ASPH: variants seen among roughly 807,000 people sequenced by gnomAD.
ASPH encodes aspartate beta-hydroxylase.
ASPH carries 100 observed loss-of-function variants against 118.4 expected under a neutral mutation model. The observed-to-expected ratio is 0.84, with a 90% CI of 0.72 to 1.00. ASPH has a LOEUF of 1.00. ASPH is among the 50% of genes least tolerant of loss of function. ASPH has a pLI of 0.00. For synonymous variants in ASPH, 315 were observed against 325.6 expected, an observed-to-expected ratio of 0.97 and a Z score of 0.35; for missense variants, 920 against 919.5, an observed-to-expected ratio of 1.00 and a Z score of -0.01.
intron 3 of ASPH, among the ~76,000 whole-genome samples, chr8:61,662,517 G>A (rs1382932628): frequency 6.6e-6 from 1 of 152,140 alleles, no homozygotes; most frequent in East Asian, 1.9e-4. Context: ...ACAACCTACT[G>A]AATAAAAAGT....
chr8:61,534,981 T>C (rs571881769), intron 21 of ASPH, among the ~76,000 whole-genome samples: 1 of 152,246 alleles, frequency 6.6e-6, no homozygotes, highest in African/African-American at 2.4e-5. Context: ...AACTTCTCAC[T>C]GTCTGCATGT....
intron 15 of ASPH, among the ~76,000 whole-genome samples, chr8:61,581,447 G>T (rs1837487592): frequency 6.6e-6 from 1 of 152,202 alleles, no homozygotes; most frequent in Non-Finnish European, 1.5e-5. Context: ...GAGGCCAATG[G>T]GCTGTGCGGA....
chr8:61,618,322 GATCAT>G (rs1295475863), intron 14 of ASPH, among the ~76,000 whole-genome samples: 8 of 152,086 alleles, frequency 5.3e-5, no homozygotes, highest in African/African-American at 1.9e-4. Flanking sequence ...AATTATTAAA[GATCAT>G]ATCATTCAAC....
rs201835620 is a variant in ASPH at position 61,553,971 on chromosome 8, G to C, written c.1537-851C>G. Among the ~76,000 whole-genome samples, 4 of 152,338 alleles carry C rather than the reference G, an allele frequency of 2.6e-5. No individual in the cohort carries two copies. The East Asian group carries it at 5.8e-4, about 22-fold the overall frequency. Reference sequence around the variant, plus strand: ...GCAAGCTGCACGATAGAATGGGAAAGGCATCATCACTCAGGAGAGGAAGGG... The same window carrying C: ...GCAAGCTGCACGATAGAATGGGAAACGCATCATCACTCAGGAGAGGAAGGG... On this transcript the variant is annotated intron_variant, in intron 19 of 24. Coordinates refer to ENST00000379454, the MANE Select transcript of ASPH (RefSeq NM_004318.4).
chr8:61,623,298 C>A (rs1266386120), intron 13 of ASPH, among the ~76,000 whole-genome samples: 1 of 152,198 alleles, frequency 6.6e-6, no homozygotes, highest in Admixed American at 6.5e-5. Context: ...TTCTGATGAT[C>A]AAGGATGTTG....
intron 20 of ASPH, among the ~76,000 whole-genome samples, chr8:61,552,020 C>T (rs1027551807): frequency 1.1e-4 from 16 of 152,200 alleles, no homozygotes; most frequent in Admixed American, 7.2e-4. Flanking sequence ...CAGACAATTA[C>T]GTTATCACAA....
At chr8:61,688,490 G>A (rs1312469517) in intron 1 of ASPH, among the ~76,000 whole-genome samples, 6 of 152,094 alleles carry the variant, frequency 3.9e-5, no homozygotes, top group African/African-American at 1.2e-4. Flanking sequence ...TTGAGGAAAG[G>A]GAGACAAGAA....
intron 10 of ASPH, among the ~76,000 whole-genome samples, chr8:61,640,868 C>T (rs950330686): frequency 1.3e-5 from 2 of 152,172 alleles, no homozygotes; most frequent in Non-Finnish European, 2.9e-5. Flanking sequence ...GAAGCTGGTT[C>T]CTACTATAGT....
chr8:61,644,092 T>C (rs1588556850), intron 7 of ASPH, 91 bp from the exon 8 acceptor site: 3 of 988,186 alleles, frequency 3.0e-6, no homozygotes, highest in East Asian at 2.6e-5. Context: ...CTAGTTATGA[T>C]TGAAATGCAA....
At chr8:61,601,290 C>T (rs1843888122) in intron 14 of ASPH, among the ~76,000 whole-genome samples, 1 of 151,238 alleles carries the variant, frequency 6.6e-6, no homozygotes, top group African/African-American at 2.5e-5. Context: ...AAAATACACA[C>T]CTTTGTAAGT....
rs1010703940 is a variant in ASPH, at chr8:61,714,243, G to C, written c.103+26C>G. ...CTCCCTACCCCGAGGCGAGGCCCCA[G>C]ATCCCCGCCCCGCAGGGCCTCTGAC... On this transcript the variant is annotated intron_variant, in intron 1 of 24. Coordinates refer to ENST00000379454, the MANE Select transcript of ASPH (RefSeq NM_004318.4). 3 of 1,472,008 alleles carry C rather than the reference G, an allele frequency of 2.0e-6. No homozygotes were observed. The African/African-American group carries it at 4.4e-5, about 22-fold the overall frequency. 91.2% of individuals were successfully genotyped at this position (1,472,008 alleles called of 1,614,324 possible). A position where few individuals can be genotyped will look rare whatever the true frequency, so the allele number is the denominator to read the frequency against.
intron 20 of ASPH, among the ~76,000 whole-genome samples, chr8:61,552,021 G>T (rs546864903): frequency 6.6e-6 from 1 of 152,150 alleles, no homozygotes; most frequent in Non-Finnish European, 1.5e-5. Flanking sequence ...AGACAATTAC[G>T]TTATCACAAA....
chr8:61,608,617 T>A (rs1347551134), intron 14 of ASPH, among the ~76,000 whole-genome samples: 2 of 152,240 alleles, frequency 1.3e-5, no homozygotes, highest in Non-Finnish European at 2.9e-5. Context: ...TGTCAAAAAA[T>A]GATTTCTGAA....
chr8:61,706,304 T>C, intron 1 of ASPH, among the ~76,000 whole-genome samples: 1 of 147,922 alleles, frequency 6.8e-6, no homozygotes, highest in Non-Finnish European at 1.5e-5. Flanking sequence ...ATGCCTGTAG[T>C]CCCAGCTACC....
At chr8:61,517,326 C>A in intron 24 of ASPH, 1 of 626,388 alleles carries the variant, frequency 1.6e-6, no homozygotes. Context: ...TGGAGGAGGG[C>A]AGCCCTAGAG....
rs117298726 is a variant in ASPH at position 61,603,254 on chromosome 8, A to G, written c.976+15724T>C. ...ATTCACAATAATTTCTGAATATCAT[A>G]GTTGGATACTTTCACTGAATAATCA... On this transcript the variant is annotated intron_variant, in intron 14 of 24. Coordinates refer to ENST00000379454, the MANE Select transcript of ASPH (RefSeq NM_004318.4). Among the ~76,000 whole-genome samples the G allele has an allele frequency of 5.6e-3, 849 of 150,782 alleles. 2 individuals carry two copies. The highest frequency in any genetic ancestry group is 9.8e-3 in the Non-Finnish European group (664 of 67,460).
At chr8:61,579,779 C>T in intron 15 of ASPH, 1 of 770,356 alleles carries the variant, frequency 1.3e-6, no homozygotes, top group East Asian at 2.5e-5. Flanking sequence ...ACCTGAGGCT[C>T]AGCCCTAGCC....
At chr8:61,663,577 C>A (rs886174078) in intron 3 of ASPH, 6 of 985,192 alleles carry the variant, frequency 6.1e-6, no homozygotes. Flanking sequence ...GAAGTTAGTG[C>A]CCTGTATCTG....
At chr8:61,704,144 G>C (rs1026401874) in intron 1 of ASPH, among the ~76,000 whole-genome samples, 5 of 128,592 alleles carry the variant, frequency 3.9e-5, no homozygotes, top group African/African-American at 1.2e-4. Context: ...GCAGTGAGCC[G>C]AGATCCCGCC....
Sources: allele counts gnomAD v4.1 joint callset (sites outside exome capture counted in the v4.1 genomes callset), GRCh38; gene constraint gnomAD v4.1.1; transcripts MANE v1.5; gene names NCBI Gene and HGNC (gene_info 2026-07-23, HGNC 2026-07-21).